The following SLC25A21 variants were observed in gnomAD, a reference collection of about 807,000 sequenced individuals.
The protein encoded by SLC25A21 is solute carrier family 25 member 21.
Under a neutral mutation model 43.8 loss-of-function variants are expected in SLC25A21, and 47 were observed. The ratio of observed to expected loss-of-function variants is 1.07; its 90% confidence interval spans 0.85 to 1.37. The LOEUF is 1.37. Among genes scored for constraint, SLC25A21 ranks in the 40% most tolerant of loss-of-function variants. The pLI is 0.00. For missense variants in SLC25A21, 352 were observed against 350.2 expected, an observed-to-expected ratio of 1.00 and a Z score of -0.04; for synonymous variants, 131 against 121.3, an observed-to-expected ratio of 1.08 and a Z score of -0.52.
intron 3 of SLC25A21, among the ~76,000 whole-genome samples, chr14:36,786,461 C>G (rs1282889951): frequency 2.6e-5 from 4 of 152,170 alleles, no homozygotes; most frequent in Non-Finnish European, 4.4e-5. Flanking sequence ...CCATTTAGAA[C>G]AGGCCAATTA....
At chr14:36,960,320 A>G (rs551312690) in intron 1 of SLC25A21, among the ~76,000 whole-genome samples, 5 of 152,290 alleles carry the variant, frequency 3.3e-5, no homozygotes, top group African/African-American at 1.2e-4. Flanking sequence ...TAAGATAACA[A>G]TGGCGAATAT....
intron 3 of SLC25A21, among the ~76,000 whole-genome samples, chr14:36,759,965 TA>T (rs1024886892): frequency 8.7e-5 from 13 of 149,200 alleles, no homozygotes; most frequent in Admixed American, 2.0e-4. Flanking sequence ...AGACTCCATC[TA>T]AAAAAAAAAT....
chr14:37,123,540 A>G (rs1434217409), intron 1 of SLC25A21, among the ~76,000 whole-genome samples: 2 of 152,220 alleles, frequency 1.3e-5, no homozygotes, highest in Non-Finnish European at 2.9e-5. Flanking sequence ...AAAAAACTAG[A>G]AAGAACAATC....
intron 2 of SLC25A21, among the ~76,000 whole-genome samples, chr14:36,829,086 T>TG (rs1377473128): frequency 6.6e-6 from 1 of 151,928 alleles, no homozygotes; most frequent in Non-Finnish European, 1.5e-5. Flanking sequence ...TTAGTAGAGA[T>TG]GGGGTTTTAC....
At chr14:36,819,197 C>G (rs1417423993) in intron 2 of SLC25A21, among the ~76,000 whole-genome samples, 2 of 152,098 alleles carry the variant, frequency 1.3e-5, no homozygotes, top group African/African-American at 2.4e-5. Flanking sequence ...ACCTATCTGC[C>G]GCTGTTCTCA....
intron 1 of SLC25A21, among the ~76,000 whole-genome samples, chr14:37,137,955 C>T (rs1185167588): frequency 1.3e-5 from 2 of 152,116 alleles, no homozygotes; most frequent in Non-Finnish European, 2.9e-5. Flanking sequence ...AATGTGAATA[C>T]AGTATTAGTA....
At chr14:37,107,118 TA>T (rs1013057995) in intron 1 of SLC25A21, among the ~76,000 whole-genome samples, 8 of 152,088 alleles carry the variant, frequency 5.3e-5, no homozygotes, top group East Asian at 1.9e-4. Flanking sequence ...AATTTCTTTT[TA>T]AAAAAAATTA....
intron 1 of SLC25A21, among the ~76,000 whole-genome samples, chr14:37,064,915 C>A (rs73258301): frequency 1.3e-5 from 2 of 152,136 alleles, no homozygotes; most frequent in African/African-American, 4.8e-5. Context: ...CTTCCTTTGA[C>A]ACACATCTGT....
intron 1 of SLC25A21, among the ~76,000 whole-genome samples, chr14:37,086,022 G>A (rs917129112): frequency 3.9e-5 from 6 of 152,026 alleles, no homozygotes; most frequent in African/African-American, 7.2e-5. Context: ...GGAGAATGGC[G>A]CGAACCCAGG....
intron 1 of SLC25A21, among the ~76,000 whole-genome samples, chr14:36,900,129 T>C (rs1354668984): frequency 6.6e-6 from 1 of 151,936 alleles, no homozygotes; most frequent in Non-Finnish European, 1.5e-5. Context: ...CCCTGCTTGC[T>C]TTATTCACTC....
Position 36,725,556 on chromosome 14 carries a change from C to T in SLC25A21, c.438+14G>A. 2.1e-6 allele frequency: 3 copies of T among 1,434,254 alleles called. No homozygotes were observed. The allele number at this position is 1,434,254 out of a possible 1,614,324, so 88.8% of individuals were successfully genotyped here. A position where few individuals can be genotyped will look rare whatever the true frequency, so the allele number is the denominator to read the frequency against. ...TTACATGCCCCTAACAATAGAAAAA[C>T]ATTAAATGGTTACCTCTGCAAATGT... On this transcript the variant is annotated intron_variant, in intron 6 of 9. Coordinates refer to ENST00000331299, the MANE Select transcript of SLC25A21 (RefSeq NM_030631.4).
chr14:36,929,855 T>G (rs1892240527), intron 1 of SLC25A21, among the ~76,000 whole-genome samples: 1 of 152,094 alleles, frequency 6.6e-6, no homozygotes, highest in East Asian at 1.9e-4. Context: ...GGCTGGGTGG[T>G]GACTGTTTTG....
chr14:36,873,253 T>C (rs992597961), intron 2 of SLC25A21, among the ~76,000 whole-genome samples: 7 of 152,018 alleles, frequency 4.6e-5, no homozygotes, highest in Non-Finnish European at 1.0e-4. Flanking sequence ...TACCTTACAT[T>C]TGAATATAAT....
intron 1 of SLC25A21, among the ~76,000 whole-genome samples, chr14:36,969,043 T>C (rs1319235896): frequency 3.3e-5 from 5 of 152,204 alleles, no homozygotes; most frequent in Non-Finnish European, 5.9e-5. Context: ...TGCGGAGACA[T>C]AAAAATCCAA....
At chr14:37,015,552 T>A (rs893911829) in intron 1 of SLC25A21, among the ~76,000 whole-genome samples, 1 of 151,900 alleles carries the variant, frequency 6.6e-6, no homozygotes, top group Non-Finnish European at 1.5e-5. Flanking sequence ...TTTGGGTATA[T>A]ACCCAGTAAT....
chr14:37,171,146 G>A (rs1964121487), intron 1 of SLC25A21, among the ~76,000 whole-genome samples: 1 of 126,636 alleles, frequency 7.9e-6, no homozygotes, highest in Admixed American at 8.1e-5. Flanking sequence ...GAGGGGTGGG[G>A]AGGGGAGGGG....
intron 1 of SLC25A21, chr14:37,098,268 T>A (rs1421081936): frequency 6.6e-6 from 1 of 152,156 alleles, no homozygotes; most frequent in Non-Finnish European, 1.5e-5. Flanking sequence ...GCCTAATTAA[T>A]TTTAAAACAG....
chr14:36,846,213 T>C (rs897346375), intron 2 of SLC25A21, among the ~76,000 whole-genome samples: 1 of 152,178 alleles, frequency 6.6e-6, no homozygotes, highest in African/African-American at 2.4e-5. Context: ...TGAGAAAGAA[T>C]CTATAATTCC....
intron 2 of SLC25A21, among the ~76,000 whole-genome samples, chr14:36,844,711 G>A (rs1466453433): frequency 1.3e-5 from 2 of 152,184 alleles, no homozygotes; most frequent in East Asian, 3.9e-4. Flanking sequence ...AGGCTTCCAG[G>A]TTAATGAAAA....
Sources: gnomAD v4.1 joint callset for allele counts (sites outside exome capture counted in the v4.1 genomes callset) on GRCh38, gnomAD v4.1.1 for gene constraint, MANE v1.5 for transcripts, NCBI Gene and HGNC (gene_info 2026-07-23, HGNC 2026-07-21) for gene names.